Variants in RBM19 observed in about 807,000 individuals in gnomAD.
The protein encoded by RBM19 is RNA binding motif protein 19.
RBM19 carries 94 observed loss-of-function variants against 116.8 expected under a neutral mutation model. The observed-to-expected ratio is 0.80, with a 90% CI of 0.68 to 0.95. RBM19 has a LOEUF of 0.95. Among genes scored for constraint, RBM19 ranks in the 40% least tolerant of loss-of-function variants. The pLI is 0.00. For synonymous variants in RBM19, 475 were observed against 494.1 expected (o/e 0.96, Z 0.51); for missense variants, 1,161 against 1,220.7 (o/e 0.95, Z 0.73).
At chr12:113,864,558 T>C (rs887441274) in intron 21 of RBM19, among the ~76,000 whole-genome samples, 4 of 152,220 alleles carry the variant, frequency 2.6e-5, no homozygotes, top group Admixed American at 2.6e-4. Flanking sequence ...CCTTGCATGG[T>C]GTCCTGTCTC....
intron 23 of RBM19, among the ~76,000 whole-genome samples, chr12:113,842,506 G>A (rs932663950): frequency 6.6e-6 from 1 of 152,228 alleles, no homozygotes; most frequent in African/African-American, 2.4e-5. Context: ...GCCTCAGCTC[G>A]AATATTCCCC....
chr12:113,886,967 A>C (rs939835365), intron 21 of RBM19, among the ~76,000 whole-genome samples: 6 of 152,338 alleles, frequency 3.9e-5, no homozygotes, highest in African/African-American at 1.4e-4. Flanking sequence ...GTTCATCTAC[A>C]CCAGGGTTTG....
At chr12:113,818,691 T>C (rs1474471282), downstream of RBM19, among the ~76,000 whole-genome samples, 2 of 152,246 alleles carry the variant, frequency 1.3e-5, no homozygotes, top group East Asian at 3.8e-4. Context: ...CCTGCACCCA[T>C]TTGAAAGACA....
chr12:113,925,372 T>C (rs1457057544), intron 17 of RBM19, among the ~76,000 whole-genome samples: 1 of 152,218 alleles, frequency 6.6e-6, no homozygotes, highest in Non-Finnish European at 1.5e-5. Flanking sequence ...CTGACTCTTG[T>C]GTTTAAAGTG....
At chr12:113,843,131 A>G (rs1170939333) in intron 23 of RBM19, among the ~76,000 whole-genome samples, 1 of 152,202 alleles carries the variant, frequency 6.6e-6, no homozygotes, top group Non-Finnish European at 1.5e-5. Context: ...GCCCCACTGG[A>G]AGGCTCCTAT....
At chr12:113,878,438 G>GAGGGGTAATGATGGATA (rs1879826999) in intron 21 of RBM19, among the ~76,000 whole-genome samples, 1 of 152,160 alleles carries the variant, frequency 6.6e-6, no homozygotes, top group Non-Finnish European at 1.5e-5. Context: ...TCATTTACCT[G>GAGGGGTAATGATGGATA]AGGGGGCCTT....
chr12:113,901,498 TATTC>T lies in RBM19; in HGVS notation c.2558+13467_2558+13470del, dbSNP rs148668311. On this transcript the variant is annotated intron_variant, in intron 21 of 23. Transcript: ENST00000261741. ...TCACTCCATCAGGAATTCCTTCTTT[TATTC>T]ATTCATTCATTCATTCATTCATTCG... Among the ~76,000 whole-genome samples, 401 of 151,742 alleles carry T rather than the reference TATTC, an allele frequency of 2.6e-3. 4 individuals carry two copies. Among genetic ancestry groups the T allele is most frequent in the Middle Eastern group, 0.01 (3 of 294 alleles).
At chr12:113,965,999 A>T (rs1283753137) in intron 1 of RBM19, 193 bp downstream of exon 1, 4 of 627,536 alleles carry the variant, frequency 6.4e-6, no homozygotes, top group Non-Finnish European at 1.1e-5. Context: ...GTGAAACCGT[A>T]AGCAGTCACT....
intron 19 of RBM19, 115 bp downstream of exon 19, chr12:113,920,496 G>T: frequency 1.0e-6 from 1 of 958,530 alleles, no homozygotes; most frequent in Non-Finnish European, 1.6e-6. Context: ...AAAAGCAATG[G>T]GCCCGGTCAA....
At chr12:113,902,092 A>G (rs1881737008) in intron 21 of RBM19, among the ~76,000 whole-genome samples, 1 of 152,212 alleles carries the variant, frequency 6.6e-6, no homozygotes, top group Non-Finnish European at 1.5e-5. Flanking sequence ...TCAGAAAATC[A>G]ACATTAATAA....
At position 113,947,475 on chromosome 12, in the gene RBM19, G is replaced by A. The variant is rs750766836; in HGVS notation, c.1277-11C>T. 3.1e-6 allele frequency: 5 copies of A among 1,587,414 alleles called. No individual in the cohort carries two copies. The African/African-American group carries it at 5.4e-5, about 17-fold the overall frequency. ...GCTCAGACAGGGGACCTGAGGACAG[G>A]AGAAGTGTCGGTCTCTGGTAGGCCG... On this transcript the variant is annotated splice_polypyrimidine_tract_variant and intron_variant, in intron 10 of 23. Coordinates refer to ENST00000261741, the MANE Select transcript of RBM19 (RefSeq NM_016196.4).
intron 21 of RBM19, among the ~76,000 whole-genome samples, chr12:113,912,672 G>A (rs190607005): frequency 6.6e-6 from 1 of 152,306 alleles, no homozygotes; most frequent in African/African-American, 2.4e-5. Context: ...TCAGAGCCCC[G>A]CACACAGCAA....
chr12:113,915,321 TGA>T (rs1882708920), intron 20 of RBM19, among the ~76,000 whole-genome samples: 1 of 152,116 alleles, frequency 6.6e-6, no homozygotes. Context: ...GACCTTCATT[TGA>T]GAGACTCCGG....
rs767402753 is a variant in RBM19 at position 113,950,083 on chromosome 12, C to T, written c.1072G>A (p.Gly358Ser). 2 of 1,600,914 alleles carry T rather than the reference C, an allele frequency of 1.2e-6. No individual in the cohort carries two copies. The highest frequency in any genetic ancestry group is 1.3e-5 in the African/African-American group (1 of 74,734). ...QALKCNREYMGGRYIEVFREK... is the reference protein window; with the variant it reads ...QALKCNREYMSGRYIEVFREK... ...GAGCACATGGCCAGGGCTTCCTTAC[C>T]CATGTACTCCCGGTTGCATTTCAGA... The change falls in exon 9 of 24, where the codon GGT (glycine) becomes AGT (serine). Residue 358 changes from glycine (G) to serine (S), a missense_variant and splice_region_variant. Physicochemically the swap from Gly to Ser is moderately conservative, Grantham distance 56 (BLOSUM62 0). Transcript: ENST00000261741.
chr12:113,944,668 AT>A (rs1328755115), intron 13 of RBM19, among the ~76,000 whole-genome samples: 1 of 149,990 alleles, frequency 6.7e-6, no homozygotes, highest in African/African-American at 2.5e-5. Flanking sequence ...GATGGCATGC[AT>A]CTGTAGTCCT....
At chr12:113,930,259 C>T (rs1265284401) in intron 16 of RBM19, among the ~76,000 whole-genome samples, 8 of 152,218 alleles carry the variant, frequency 5.3e-5, no homozygotes, top group East Asian at 1.9e-4. Flanking sequence ...CAGTGCCCGG[C>T]GTGGCATTCC....
chr12:113,912,053 T>A (rs929053077), intron 21 of RBM19, among the ~76,000 whole-genome samples: 1 of 152,226 alleles, frequency 6.6e-6, no homozygotes, highest in African/African-American at 2.4e-5. Flanking sequence ...TGCCTCCTGA[T>A]GCCTGTCTGG....
intron 21 of RBM19, among the ~76,000 whole-genome samples, chr12:113,888,870 A>C (rs145411344): frequency 6.6e-6 from 1 of 152,250 alleles, no homozygotes; most frequent in Non-Finnish European, 1.5e-5. Context: ...TGTGGTCAGC[A>C]CTAGAAAAAT....
intron 13 of RBM19, among the ~76,000 whole-genome samples, chr12:113,943,022 A>C (rs1465878727): frequency 6.6e-6 from 1 of 152,004 alleles, no homozygotes; most frequent in Non-Finnish European, 1.5e-5. Flanking sequence ...CCCCATGCTG[A>C]GCTCATCTCA....
Sources: gnomAD v4.1 joint callset for allele counts (sites outside exome capture counted in the v4.1 genomes callset) on GRCh38, gnomAD v4.1.1 for gene constraint, MANE v1.5 for transcripts, NCBI Gene and HGNC (gene_info 2026-07-23, HGNC 2026-07-21) for gene names.